UBE3A: variants seen among roughly 807,000 people sequenced by gnomAD.
The protein encoded by UBE3A is ubiquitin-protein ligase E3A.
A neutral mutation model predicts 83.4 loss-of-function variants in UBE3A; 6 were observed. The ratio of observed to expected loss-of-function variants is 0.07; its 90% CI spans 0.04 to 0.14. UBE3A has a LOEUF of 0.14. Among genes scored for constraint, UBE3A ranks in the 10% least tolerant of loss-of-function variants. The pLI is 1.00. For synonymous variants in UBE3A, 337 were observed against 355.4 expected, an observed-to-expected ratio of 0.95 and a Z score of 0.58; for missense variants, 456 against 1,036.1, an observed-to-expected ratio of 0.44 and a Z score of 7.69.
At chr15:25,390,290 C>A (rs550293046) in intron 4 of UBE3A, among the ~76,000 whole-genome samples, 38 of 152,246 alleles carry the variant, frequency 2.5e-4, no homozygotes, top group African/African-American at 8.9e-4. Flanking sequence ...ATTGCACTCC[C>A]TAGTATTTAC....
At position 25,334,358 on chromosome 15, in the gene UBE3A, G is replaced by A. The variant is rs553076476; in HGVS notation, c.*4779C>T. On this transcript the variant is annotated 3_prime_UTR_variant, in exon 13 of 13. Coordinates refer to ENST00000648336, the MANE Select transcript of UBE3A (RefSeq NM_130839.5). ...AAATACTTAGAAAAAAATTAAAGAC[G>A]TCAAGACTTGCACACTGAAATCTCT... 8 of 152,020 alleles carry A rather than the reference G, an allele frequency of 5.3e-5. No homozygotes were observed. In the South Asian group the frequency reaches 6.2e-4, roughly 12 times the overall value. 9.4% of individuals were successfully genotyped at this position (152,020 alleles called of 1,614,324 possible). A position where few individuals can be genotyped will look rare whatever the true frequency, so the allele number is the denominator to read the frequency against.
intron 1 of UBE3A, among the ~76,000 whole-genome samples, chr15:25,422,691 T>C (rs1471719418): frequency 2.0e-5 from 3 of 151,778 alleles, no homozygotes; most frequent in Non-Finnish European, 2.9e-5. Context: ...ATACAAGAGA[T>C]TGGCCAGGTA....
intron 4 of UBE3A, among the ~76,000 whole-genome samples, chr15:25,403,688 A>G (rs1284673958): frequency 6.6e-6 from 1 of 152,236 alleles, no homozygotes; most frequent in African/African-American, 2.4e-5. Flanking sequence ...TAGCTACAAC[A>G]TGGAAGCAAC....
chr15:25,421,817 T>C (rs906269971), intron 1 of UBE3A: 4 of 152,166 alleles, frequency 2.6e-5, no homozygotes, highest in African/African-American at 9.7e-5. Context: ...CATCAAATGC[T>C]GACATTTGGA....
chr15:25,346,424 G>A (rs1425325753), intron 11 of UBE3A: 3 of 151,106 alleles, frequency 2.0e-5, no homozygotes, highest in Non-Finnish European at 3.0e-5. Context: ...TACTACTGAA[G>A]TTAAAATTTT....
intron 6 of UBE3A, among the ~76,000 whole-genome samples, chr15:25,362,519 T>C (rs955067035): frequency 4.6e-5 from 7 of 152,280 alleles, no homozygotes; most frequent in Middle Eastern, 3.4e-3. Flanking sequence ...GAACGAGTGT[T>C]ACCTTTTAAA....
intron 4 of UBE3A, among the ~76,000 whole-genome samples, chr15:25,404,787 G>A (rs897999127): frequency 7.2e-5 from 11 of 152,022 alleles, no homozygotes; most frequent in African/African-American, 2.4e-4. Flanking sequence ...TGATCTAAAA[G>A]TCCTCAACTG....
rs1555379927 is a variant in UBE3A at position 25,339,258 on chromosome 15, CTAAA to C, written c.2499-5_2499-2del. 6.2e-7 allele frequency: 1 copy of C among 1,611,276 alleles called. No individual in the cohort carries two copies. ...AAAGCAAGTATGAGATGTAGGTAAC[CTAAA>C]TAGAGAAAAGGGGAAAAAAACAGGA... On this transcript the variant is annotated splice_acceptor_variant and splice_polypyrimidine_tract_variant and intron_variant, in intron 12 of 12. Transcript: ENST00000648336. LOFTEE classifies it high-confidence loss of function.
chr15:25,354,252 T>C (rs1269584757), intron 11 of UBE3A, 101 bp downstream of exon 11: 13 of 1,004,268 alleles, frequency 1.3e-5, no homozygotes, highest in Non-Finnish European at 6.3e-6. Flanking sequence ...AATTTGTGAG[T>C]TTGCTTATTT....
At chr15:25,359,508 G>C (rs1055459331) in intron 7 of UBE3A, among the ~76,000 whole-genome samples, 1 of 145,308 alleles carries the variant, frequency 6.9e-6, no homozygotes, top group African/African-American at 2.5e-5. Context: ...GAATCAACAG[G>C]CTATAACAGC....
chr15:25,376,221 C>T (rs1715649945), intron 4 of UBE3A, among the ~76,000 whole-genome samples: 3 of 152,168 alleles, frequency 2.0e-5, no homozygotes. Flanking sequence ...AGCTTGTAAA[C>T]ATTTGACTTA....
chr15:25,368,726 G>A (rs1251983319), intron 6 of UBE3A, among the ~76,000 whole-genome samples: 1 of 152,068 alleles, frequency 6.6e-6, no homozygotes, highest in Non-Finnish European at 1.5e-5. Flanking sequence ...GGCTTTAAAA[G>A]CAGTTGTTTC....
At chr15:25,402,990 A>G (rs2087546855) in intron 4 of UBE3A, among the ~76,000 whole-genome samples, 1 of 152,112 alleles carries the variant, frequency 6.6e-6, no homozygotes, top group Admixed American at 6.6e-5. Flanking sequence ...AACCTTTCCA[A>G]TCATGGCCAT....
At chr15:25,416,642 TAAAA>T (rs34305718) in intron 1 of UBE3A, among the ~76,000 whole-genome samples, 19 of 109,298 alleles carry the variant, frequency 1.7e-4, no homozygotes, top group African/African-American at 5.7e-4. Flanking sequence ...TAAAACATTC[TAAAA>T]AAAAAAAAAA....
intron 11 of UBE3A, 90 bp from the exon 12 acceptor site, chr15:25,340,318 T>TAA: frequency 6.9e-7 from 1 of 1,451,056 alleles, no homozygotes; most frequent in Non-Finnish European, 9.6e-7. Flanking sequence ...AAAACTATAT[T>TAA]AAGAGACAAC....
Position 25,371,986 on chromosome 15 carries a change from C to T in UBE3A, c.362-174G>A, listed in dbSNP as rs1212894775. Among the ~76,000 whole-genome samples, 1 of 152,034 alleles carries T rather than the reference C, an allele frequency of 6.6e-6. No individual in the cohort carries two copies. Among genetic ancestry groups the T allele is most frequent in the East Asian group, 1.9e-4 (1 of 5,188 alleles). ...TCAGCAAACAAAATTTAATGCTTACCTATTTTTTTCAATGAACTACCTACC... is the reference window on the plus strand; with the variant it reads ...TCAGCAAACAAAATTTAATGCTTACTTATTTTTTTCAATGAACTACCTACC... On this transcript the variant is annotated intron_variant, in intron 5 of 12. Coordinates refer to ENST00000648336, the MANE Select transcript of UBE3A (RefSeq NM_130839.5). The surrounding 1 kb of genome is among the most constrained non-coding windows in gnomAD (Gnocchi z 5.3).
At chr15:25,344,515 TA>T (rs1160420197) in intron 11 of UBE3A, among the ~76,000 whole-genome samples, 5 of 152,182 alleles carry the variant, frequency 3.3e-5, no homozygotes, top group Non-Finnish European at 7.3e-5. Flanking sequence ...CAAAATCTAA[TA>T]GGGTCATTTT....
At chr15:25,341,121 G>C (rs1294523070) in intron 11 of UBE3A, among the ~76,000 whole-genome samples, 4 of 151,726 alleles carry the variant, frequency 2.6e-5, no homozygotes, top group East Asian at 1.9e-4. Context: ...TCAGGCTGGA[G>C]TGCAGTGGCG....
chr15:25,367,233 AAATATG>A (rs2079379208), intron 6 of UBE3A, among the ~76,000 whole-genome samples: 1 of 83,130 alleles, frequency 1.2e-5, no homozygotes, highest in South Asian at 3.5e-4. Context: ...ACATATTTGT[AAATATG>A]TAAATATTTG....
Sources: gnomAD v4.1 joint callset for allele counts (sites outside exome capture counted in the v4.1 genomes callset) on GRCh38, gnomAD v4.1.1 for gene constraint, Gnocchi (gnomAD v3.1) non-coding constraint, MANE v1.5 for transcripts, NCBI Gene and HGNC (gene_info 2026-07-23, HGNC 2026-07-21) for gene names.